RSPO2: variants seen among roughly 807,000 people sequenced by gnomAD.
The protein encoded by RSPO2 is R-spondin 2.
Under a neutral mutation model 30.9 loss-of-function variants are expected in RSPO2, and 14 were observed. That is an observed-to-expected ratio of 0.45 (90% CI 0.30 to 0.71). The LOEUF is 0.71. Among genes scored for constraint, RSPO2 ranks in the 30% least tolerant of loss-of-function variants. The probability of loss-of-function intolerance (pLI) is 0.08; values close to 1 mark genes in which losing one functional copy is unlikely to be tolerated. For missense variants in RSPO2, 264 were observed against 301.9 expected (o/e 0.87, Z 0.93); for synonymous variants, 107 against 96.4 (o/e 1.11, Z -0.64).
At chr8:108,048,363 T>C (rs532660801) in intron 2 of RSPO2, among the ~76,000 whole-genome samples, 3 of 151,756 alleles carry the variant, frequency 2.0e-5, no homozygotes, top group African/African-American at 7.3e-5. Flanking sequence ...AATAGCATTA[T>C]AGCTGCAACT....
chr8:107,984,665 A>T (rs1242768109), intron 3 of RSPO2, among the ~76,000 whole-genome samples: 1 of 152,246 alleles, frequency 6.6e-6, no homozygotes, highest in East Asian at 1.9e-4. Context: ...TCATTTGAAA[A>T]TACCAAGGAG....
chr8:108,068,186 ATAAG>A (rs1223043097), intron 2 of RSPO2, among the ~76,000 whole-genome samples: 1 of 152,246 alleles, frequency 6.6e-6, no homozygotes, highest in Non-Finnish European at 1.5e-5. Context: ...AGATGTTGTA[ATAAG>A]TAATAAAGAG....
chr8:107,990,789 C>T (rs146712668), intron 2 of RSPO2, among the ~76,000 whole-genome samples: 1 of 152,162 alleles, frequency 6.6e-6, no homozygotes, highest in Non-Finnish European at 1.5e-5. Flanking sequence ...CATCATGCTA[C>T]CTGACTTCAA....
chr8:107,927,004 G>A (rs377612930), intron 5 of RSPO2, among the ~76,000 whole-genome samples: 7 of 152,014 alleles, frequency 4.6e-5, no homozygotes, highest in South Asian at 4.2e-4. Context: ...CCATTTTCAC[G>A]ATATTGATTC....
chr8:108,035,501 C>T (rs1811565440), intron 2 of RSPO2, among the ~76,000 whole-genome samples: 1 of 151,956 alleles, frequency 6.6e-6, no homozygotes. Context: ...GACGGAGTCT[C>T]GCTCTGTTGC....
intron 2 of RSPO2, among the ~76,000 whole-genome samples, chr8:107,999,451 T>C (rs1209107689): frequency 1.3e-5 from 2 of 152,156 alleles, no homozygotes; most frequent in Non-Finnish European, 2.9e-5. Context: ...TTTGTTTGTT[T>C]TGAGACAAAG....
intron 2 of RSPO2, among the ~76,000 whole-genome samples, chr8:108,061,074 A>G (rs1812444818): frequency 6.6e-6 from 1 of 151,906 alleles, no homozygotes; most frequent in Non-Finnish European, 1.5e-5. Context: ...CAGCCACTGC[A>G]AAAGGATGCC....
chr8:108,055,019 G>A (rs1812199375), intron 2 of RSPO2, among the ~76,000 whole-genome samples: 1 of 152,164 alleles, frequency 6.6e-6, no homozygotes, highest in Admixed American at 6.5e-5. Context: ...TACTCAGGGG[G>A]CTGAGGTGGG....
At position 107,920,894 on chromosome 8, in the gene RSPO2, C is replaced by T. The variant is rs78608258; in HGVS notation, c.617-19704G>A. Among the ~76,000 whole-genome samples, 556 of 152,146 alleles carry T rather than the reference C, an allele frequency of 3.7e-3. 8 individuals are homozygous for T. In the East Asian group the frequency reaches 0.065, roughly 18 times the overall value. ...TAGATTAAAAATAATGAAGTGTTCA[C>T]GTATACATCTGGTTTAAGTGTAAAA... On this transcript the variant is annotated intron_variant, in intron 5 of 5. Transcript: ENST00000276659.
At chr8:108,017,848 C>A (rs1431972951) in intron 2 of RSPO2, among the ~76,000 whole-genome samples, 1 of 152,048 alleles carries the variant, frequency 6.6e-6, no homozygotes, top group Admixed American at 6.5e-5. Flanking sequence ...ATGGAACCTC[C>A]AAAAATCAAA....
intron 2 of RSPO2, among the ~76,000 whole-genome samples, chr8:108,061,870 G>A (rs956187734): frequency 1.3e-5 from 2 of 151,898 alleles, no homozygotes; most frequent in East Asian, 1.9e-4. Flanking sequence ...TACAACTCAG[G>A]ATTAAGAAAC....
intron 3 of RSPO2, among the ~76,000 whole-genome samples, chr8:107,988,109 T>G (rs1337225893): frequency 6.6e-6 from 1 of 152,152 alleles, no homozygotes; most frequent in Non-Finnish European, 1.5e-5. Context: ...ATGGCTGACC[T>G]AGAAGACGAG....
At chr8:108,014,285 C>T (rs535301098) in intron 2 of RSPO2, among the ~76,000 whole-genome samples, 35 of 152,192 alleles carry the variant, frequency 2.3e-4, no homozygotes, top group African/African-American at 7.9e-4. Context: ...GAGAGTGTGG[C>T]GATTCCTCAA....
At chr8:108,051,943 T>C (rs1812091736) in intron 2 of RSPO2, among the ~76,000 whole-genome samples, 1 of 152,194 alleles carries the variant, frequency 6.6e-6, no homozygotes, top group Admixed American at 6.6e-5. Context: ...CCTAGTTCAT[T>C]GGTAACTTGC....
intron 3 of RSPO2, among the ~76,000 whole-genome samples, chr8:107,961,382 G>C (rs755735997): frequency 6.6e-5 from 10 of 152,110 alleles, no homozygotes; most frequent in Non-Finnish European, 1.3e-4. Context: ...TGTATCAAAG[G>C]CTTTACATAT....
In RSPO2 at chr8:107,901,162, C is replaced by A; in HGVS notation, c.645G>T (p.Lys215Asn). The change falls in exon 6 of 6, where the codon AAG becomes AAT. Residue 215 changes from lysine to asparagine, a missense_variant. Transcript: ENST00000276659. Reference protein sequence around the residue: ...GGKRTPKAKEKRNKKKKRKLI... With the variant: ...GGKRTPKAKENRNKKKKRKLI... ...GCTTCCTTTTCTTTTTCTTGTTCCTCTTCTCCTTCGCCTTTGGTGTTCTCT... is the reference window on the plus strand; with the variant it reads ...GCTTCCTTTTCTTTTTCTTGTTCCTATTCTCCTTCGCCTTTGGTGTTCTCT... 1 of 1,613,986 alleles carries A rather than the reference C, an allele frequency of 6.2e-7. No homozygotes were observed. Among genetic ancestry groups the A allele is most frequent in the Non-Finnish European group, 8.5e-7 (1 of 1,179,934 alleles).
chr8:108,078,365 A>G (rs1209627814), intron 2 of RSPO2, among the ~76,000 whole-genome samples: 4 of 152,242 alleles, frequency 2.6e-5, no homozygotes, highest in African/African-American at 9.6e-5. Flanking sequence ...TTGCAAAGTT[A>G]AACATCACAT....
intron 2 of RSPO2, among the ~76,000 whole-genome samples, chr8:108,003,450 T>A (rs1326680555): frequency 6.6e-6 from 1 of 150,762 alleles, no homozygotes; most frequent in Non-Finnish European, 1.5e-5. Context: ...GTGCTGGGAT[T>A]ACAGGTGTGA....
At chr8:108,005,757 T>C (rs572275377) in intron 2 of RSPO2, among the ~76,000 whole-genome samples, 3 of 152,244 alleles carry the variant, frequency 2.0e-5, no homozygotes, top group African/African-American at 4.8e-5. Context: ...AGCTAAGAAA[T>C]AGGGAGTAAC....
Sources: gnomAD v4.1 joint callset for allele counts (sites outside exome capture counted in the v4.1 genomes callset) on GRCh38, gnomAD v4.1.1 for gene constraint, MANE v1.5 for transcripts, NCBI Gene and HGNC (gene_info 2026-07-23, HGNC 2026-07-21) for gene names.